Variants in DSE observed in about 807,000 individuals in gnomAD.
The protein encoded by DSE is dermatan-sulfate epimerase.
A neutral mutation model predicts 84.4 loss-of-function variants in DSE; 36 were observed. The observed-to-expected ratio is 0.43, with a 90% CI of 0.33 to 0.56. DSE has a LOEUF of 0.56. DSE is among the 20% of genes least tolerant of loss of function. The probability of loss-of-function intolerance (pLI) is 0.06; values close to 1 mark genes in which losing one functional copy is unlikely to be tolerated. For missense variants in DSE, 862 were observed against 1,169.6 expected (o/e 0.74, Z 3.84); for synonymous variants, 410 against 430.1 (o/e 0.95, Z 0.58).
chr6:116,392,419 C>T (rs1780967969), intron 1 of DSE, among the ~76,000 whole-genome samples: 1 of 152,122 alleles, frequency 6.6e-6, no homozygotes, highest in Admixed American at 6.5e-5. Flanking sequence ...GATATGGGCA[C>T]ACTGGTTCTA....
chr6:116,421,463 ATTTTTTTT>A (rs71012335), intron 2 of DSE, among the ~76,000 whole-genome samples: 3 of 61,340 alleles, frequency 4.9e-5, no homozygotes, highest in African/African-American at 2.8e-4. Flanking sequence ...ATATATATAT[ATTTTTTTT>A]TTTTTTTTTT....
intron 2 of DSE, among the ~76,000 whole-genome samples, chr6:116,283,763 C>A (rs982686927): frequency 6.6e-6 from 1 of 152,068 alleles, no homozygotes; most frequent in African/African-American, 2.4e-5. Flanking sequence ...AGGCTGGTCT[C>A]GAATTCCCGA....
In DSE at chr6:116,335,290, C is replaced by T. The variant is rs534294676; in HGVS notation, c.-53-63908C>T. On this transcript the variant is annotated intron_variant, in intron 2 of 3. Coordinates refer to the DSE transcript ENST00000430252. ...AACACAGAAAGAGAAAGCTAAATAC[C>T]ACATGTTCTCACTTGTAAGTGGGAG... 6.6e-5 allele frequency among the ~76,000 whole-genome samples: 10 copies of T among 152,220 alleles called. No homozygotes were observed. In the South Asian group the frequency reaches 2.1e-3, roughly 32 times the overall value.
Position 116,384,979 on chromosome 6 carries a change from GT to G in DSE, c.-54+13859del, listed in dbSNP as rs568583345. ...TTGGTAATGATGTCATTTAAATAAG[GT>G]AGTCATTGCAGACCTCACTGAGAGA... On this transcript the variant is annotated intron_variant, in intron 1 of 5. Transcript: ENST00000644252. Among the ~76,000 whole-genome samples the G allele has an allele frequency of 3.9e-5, 6 of 152,290 alleles. No homozygotes were observed. In the South Asian group the frequency reaches 1.2e-3, roughly 32 times the overall value.
chr6:116,377,163 G>A (rs1316873651), intron 1 of DSE, among the ~76,000 whole-genome samples: 2 of 152,166 alleles, frequency 1.3e-5, no homozygotes, highest in Non-Finnish European at 2.9e-5. Flanking sequence ...TTAAAGTTGT[G>A]TTTGTTGCTT....
intron 2 of DSE, among the ~76,000 whole-genome samples, chr6:116,336,078 C>A (rs1465019750): frequency 6.6e-6 from 1 of 152,176 alleles, no homozygotes; most frequent in Admixed American, 6.5e-5. Flanking sequence ...ATGTGAATGT[C>A]CCTGATGTCC....
At chr6:116,286,146 T>C (rs1028415418) in intron 2 of DSE, among the ~76,000 whole-genome samples, 1 of 152,204 alleles carries the variant, frequency 6.6e-6, no homozygotes, top group African/African-American at 2.4e-5. Flanking sequence ...ATTCTTTCTA[T>C]CCATGAGCAT....
At chr6:116,295,462 T>A (rs1050134906) in intron 2 of DSE, among the ~76,000 whole-genome samples, 13 of 152,230 alleles carry the variant, frequency 8.5e-5, no homozygotes, top group Non-Finnish European at 1.5e-4. Flanking sequence ...CATTTTTTAA[T>A]TTCAAGGTCT....
intron 2 of DSE, 53 bp downstream of exon 2, chr6:116,399,719 C>T: frequency 6.5e-7 from 1 of 1,534,502 alleles, no homozygotes; most frequent in Non-Finnish European, 8.9e-7. Flanking sequence ...TAGAAAGAAA[C>T]AAATCCATAT....
At chr6:116,430,525 C>T (rs897128676) in intron 3 of DSE, among the ~76,000 whole-genome samples, 1 of 152,030 alleles carries the variant, frequency 6.6e-6, no homozygotes, top group African/African-American at 2.4e-5. Flanking sequence ...AAGGGTTTCT[C>T]TTCATTTATA....
chr6:116,431,004 G>T lies in DSE; in HGVS notation c.721G>T (p.Glu241Ter). The change falls in exon 4 of 6, where the codon GAG becomes TAG. Residue 241 changes from glutamate to a stop codon, truncating the protein, a stop_gained. Transcript: ENST00000644252. LOFTEE classifies it high-confidence loss of function. ...GACCAAACAAGTTCTGACCATCATG[G>T]AGAAATCTCTGGTCTTGCTCAGGGA... The part of the protein sequence containing the change: ...LWTKQVLTIM[E>*]KSLVLLREVT... 1 of 1,614,116 alleles carries T rather than the reference G, an allele frequency of 6.2e-7. No homozygotes were observed. The highest frequency in any genetic ancestry group is 8.5e-7 in the Non-Finnish European group (1 of 1,180,046).
At chr6:116,348,982 G>T (rs61655621) in intron 2 of DSE, among the ~76,000 whole-genome samples, 7,566 of 151,748 alleles carry the variant, frequency 0.05, 617 homozygotes, top group African/African-American at 0.17. Flanking sequence ...GTGGGTGGAG[G>T]GGGGAGGGAT....
intron 2 of DSE, among the ~76,000 whole-genome samples, chr6:116,340,628 AT>A (rs921604939): frequency 4.6e-5 from 7 of 151,942 alleles, no homozygotes; most frequent in African/African-American, 1.7e-4. Flanking sequence ...TCCTAATGCT[AT>A]CCCTCCCCCA....
At chr6:116,306,242 A>G (rs996503033) in intron 2 of DSE, among the ~76,000 whole-genome samples, 1 of 152,250 alleles carries the variant, frequency 6.6e-6, no homozygotes, top group East Asian at 1.9e-4. Flanking sequence ...TTATTTCAAC[A>G]TAGAAACTTT....
chr6:116,254,287 C>T (rs1475742891), exon 1 of DSE: 2 of 653,806 alleles, frequency 3.1e-6, no homozygotes, highest in Non-Finnish European at 5.6e-6. Flanking sequence ...GTAGACCAGA[C>T]TCAAGCATGT....
chr6:116,279,912 C>G, intron 2 of DSE: 1 of 1,581,846 alleles, frequency 6.3e-7, no homozygotes, highest in Non-Finnish European at 8.7e-7. Context: ...GCTCGCACCG[C>G]CCACCCTACA....
chr6:116,399,496 C>G lies in DSE; in HGVS notation c.246C>G (p.Pro82=). The change falls in exon 2 of 6, where the codon CCC becomes CCG. Residue 82 remains proline (P), a synonymous_variant. Transcript: ENST00000644252. ...CTGTGCACACGATGCTGTCCAGCCC[C>G]TTGGAATACCTCCCTCCCTGGGATC... is the stretch of plus-strand genomic sequence containing the variant. ...TEAVHTMLSS[P]LEYLPPWDPK... The G allele has an allele frequency of 1.2e-6, 2 of 1,614,204 alleles. No homozygotes were observed. The highest frequency in any genetic ancestry group is 1.7e-6 in the Non-Finnish European group (2 of 1,180,024).
chr6:116,285,053 T>A (rs1773797639), intron 2 of DSE, among the ~76,000 whole-genome samples: 2 of 152,264 alleles, frequency 1.3e-5, no homozygotes, highest in South Asian at 4.1e-4. Context: ...GATGGCTGGG[T>A]CAAATGGTAT....
chr6:116,288,860 G>C lies in DSE; in HGVS notation c.-54+29893G>C, dbSNP rs143835133. On this transcript the variant is annotated intron_variant, in intron 2 of 3. Transcript: ENST00000430252. ...TGGAACTAAAATGCCATACCACAGA[G>C]GTAGCAGGCACACATTTTATAAGAG... Among the ~76,000 whole-genome samples, 238 of 152,084 alleles carry C rather than the reference G, an allele frequency of 1.6e-3. 1 individual carries two copies. The highest frequency in any genetic ancestry group is 5.4e-3 in the African/African-American group (225 of 41,514).
Sources: gnomAD v4.1 joint callset for allele counts (sites outside exome capture counted in the v4.1 genomes callset) on GRCh38, gnomAD v4.1.1 for gene constraint, MANE v1.5 for transcripts, NCBI Gene and HGNC (gene_info 2026-07-23, HGNC 2026-07-21) for gene names.